Variants in CIT observed in about 807,000 individuals in gnomAD.
CIT encodes the protein citron Rho-interacting kinase.
In CIT, 79 loss-of-function variants were observed where a neutral mutation model predicts 272.7. The observed-to-expected ratio is 0.29, with a 90% CI of 0.24 to 0.35. The LOEUF (loss-of-function observed/expected upper bound fraction) is 0.35, where lower values mean the gene tolerates loss of function less well. Among genes scored for constraint, CIT ranks in the 10% least tolerant of loss-of-function variants. CIT has a pLI of 1.00. For synonymous variants in CIT, 948 were observed against 995.6 expected (o/e 0.95, Z 0.90); for missense variants, 1,909 against 2,618.3 (o/e 0.73, Z 5.91).
At chr12:119,854,831 A>T (rs992216314) in intron 4 of CIT, among the ~76,000 whole-genome samples, 1 of 151,982 alleles carries the variant, frequency 6.6e-6, no homozygotes, top group Non-Finnish European at 1.5e-5. Flanking sequence ...GGTGCCTGTA[A>T]TCCCAGCTAT....
At position 119,710,640 on chromosome 12, in the gene CIT, A is replaced by G; in HGVS notation, c.4855-20T>C. ...CAGTTTCTTTTCATAGGTGAAAGAA[A>G]AGAAAAACAGAAGACATCGTGAGGC... On this transcript the variant is annotated intron_variant, in intron 37 of 47. Transcript: ENST00000392521. The surrounding 1 kb of genome is among the most constrained non-coding windows in gnomAD (Gnocchi z 5.6). 6.2e-7 allele frequency: 1 copy of G among 1,609,754 alleles called. No individual in the cohort carries two copies. The highest frequency in any genetic ancestry group is 8.5e-7 in the Non-Finnish European group (1 of 1,175,962).
At chr12:119,862,978 G>A (rs1286517696) in intron 3 of CIT, among the ~76,000 whole-genome samples, 3 of 149,552 alleles carry the variant, frequency 2.0e-5, no homozygotes, top group Non-Finnish European at 3.0e-5. Context: ...GACGAGGCCG[G>A]CGGATCACAA....
chr12:119,726,357 T>C (rs1174128782), intron 28 of CIT, among the ~76,000 whole-genome samples: 1 of 148,072 alleles, frequency 6.8e-6, no homozygotes, highest in Non-Finnish European at 1.5e-5. Flanking sequence ...TAGCTGGGAC[T>C]AGAACTGCAC....
At chr12:119,815,111 C>A (rs1366265518) in intron 9 of CIT, among the ~76,000 whole-genome samples, 1 of 20,942 alleles carries the variant, frequency 4.8e-5, no homozygotes, top group Non-Finnish European at 1.0e-4. Flanking sequence ...ACACAACACA[C>A]ACACACACAC....
chr12:119,699,778 CAAT>C (rs1273791443), intron 44 of CIT: 1 of 455,916 alleles, frequency 2.2e-6, no homozygotes, highest in Non-Finnish European at 4.4e-6. Flanking sequence ...GAGTTGGGGC[CAAT>C]AATAAGCTGT....
chr12:119,710,711 A>G lies in CIT; in HGVS notation c.4855-91T>C, dbSNP rs1216830462. 4 of 1,220,222 alleles carry G rather than the reference A, an allele frequency of 3.3e-6. No individual in the cohort carries two copies. In the African/African-American group the frequency reaches 4.5e-5, roughly 14 times the overall value. The allele number at this position is 1,220,222 out of a possible 1,614,324, so 75.6% of individuals were successfully genotyped here. ...CATCCAGAGAAACCAAGAGAAGGTTAAGGCCAAGTTATTCCTGGAAATGCT... is the reference window on the plus strand; with the variant it reads ...CATCCAGAGAAACCAAGAGAAGGTTGAGGCCAAGTTATTCCTGGAAATGCT... On this transcript the variant is annotated intron_variant, in intron 37 of 47. Coordinates refer to ENST00000392521, the MANE Select transcript of CIT (RefSeq NM_001206999.2). This position sits in a 1 kb window ranked among gnomAD's most constrained non-coding sequence, Gnocchi z 5.6.
At chr12:119,782,197 C>T (rs1252754857) in intron 13 of CIT, 1 of 186,774 alleles carries the variant, frequency 5.4e-6, no homozygotes, top group Non-Finnish European at 1.1e-5. Context: ...GCTTGTGGGC[C>T]ATAGAAAATA....
Position 119,784,156 on chromosome 12 carries a change from A to G in CIT, c.1402-105T>C. The G allele has an allele frequency of 5.0e-6, 8 of 1,611,310 alleles. No homozygotes were observed. The highest frequency in any genetic ancestry group is 6.8e-6 in the Non-Finnish European group (8 of 1,178,568). ...CCACCTGGTGGTCTGGGCTAAGGCTAATTCGCCAAAAGTTAAGTTGGGATG... is the reference window on the plus strand; with the variant it reads ...CCACCTGGTGGTCTGGGCTAAGGCTGATTCGCCAAAAGTTAAGTTGGGATG... On this transcript the variant is annotated intron_variant, in intron 11 of 47. Coordinates refer to ENST00000392521, the MANE Select transcript of CIT (RefSeq NM_001206999.2). The surrounding 1 kb of genome is among the most constrained non-coding windows in gnomAD (Gnocchi z 4.7).
chr12:119,863,319 C>T (rs2138355405), intron 3 of CIT, among the ~76,000 whole-genome samples: 1 of 150,302 alleles, frequency 6.7e-6, no homozygotes, highest in East Asian at 2.0e-4. Context: ...GATGAGAACA[C>T]AAGGACACTA....
rs775401970 is a variant in CIT at position 119,772,910 on chromosome 12, C to T, written c.1942G>A (p.Ala648Thr). 1.9e-6 allele frequency: 3 copies of T among 1,609,982 alleles called. No individual in the cohort carries two copies. Among genetic ancestry groups the T allele is most frequent in the Non-Finnish European group, 2.5e-6 (3 of 1,178,604 alleles). Residue 648 changes from alanine to threonine, a missense_variant and splice_region_variant, in exon 17 of 48, where the codon GCT becomes ACT. By Grantham distance (58) the Ala-to-Thr change is moderately conservative. This residue lies in a region of CIT where 530 missense variants were observed against 822.4 expected (regional missense o/e 0.64). Coordinates refer to ENST00000392521, the MANE Select transcript of CIT (RefSeq NM_001206999.2). ...GTGGCCTCCGTGCTGGCTTTTACAGCCTAGGAAGAGAGAAGGAAAAGGAGA... is the reference window on the plus strand; with the variant it reads ...GTGGCCTCCGTGCTGGCTTTTACAGTCTAGGAAGAGAGAAGGAAAAGGAGA... ...IQELQEKLEK[A>T]VKASTEATEL...
intron 25 of CIT, 26 bp downstream of exon 25, chr12:119,735,134 C>T: frequency 1.2e-6 from 2 of 1,610,494 alleles, no homozygotes; most frequent in Non-Finnish European, 1.7e-6. Context: ...CTCCAGGGAT[C>T]TCACGACCTT....
At chr12:119,767,018 C>A in intron 19 of CIT, 69 bp downstream of exon 19, 1 of 1,156,996 alleles carries the variant, frequency 8.6e-7, no homozygotes, top group Non-Finnish European at 1.2e-6. Flanking sequence ...GCCACAAGGG[C>A]CCAGGAAGAG....
At chr12:119,742,553 C>T in intron 23 of CIT, 89 bp from the exon 24 acceptor site, 1 of 960,578 alleles carries the variant, frequency 1.0e-6, no homozygotes, top group South Asian at 1.6e-5. Flanking sequence ...TAGCAATTTG[C>T]CTGGAAAGCC....
chr12:119,819,097 G>A (rs1025178836), intron 9 of CIT, among the ~76,000 whole-genome samples: 1 of 152,118 alleles, frequency 6.6e-6, no homozygotes, highest in Non-Finnish European at 1.5e-5. Context: ...GCACAACCAG[G>A]GCAGCTGGTA....
intron 23 of CIT, among the ~76,000 whole-genome samples, chr12:119,748,913 T>C (rs1197982650): frequency 6.6e-6 from 1 of 152,232 alleles, no homozygotes; most frequent in African/African-American, 2.4e-5. Context: ...TCGTGTGCTA[T>C]AAGGTGTGCA....
At chr12:119,849,526 ATT>A (rs896246762) in intron 5 of CIT, among the ~76,000 whole-genome samples, 1 of 152,134 alleles carries the variant, frequency 6.6e-6, no homozygotes, top group Non-Finnish European at 1.5e-5. Context: ...CACTATTATC[ATT>A]TTTTTAATCC....
intron 12 of CIT, 87 bp downstream of exon 12, chr12:119,783,821 G>A: frequency 1.4e-6 from 2 of 1,451,826 alleles, no homozygotes; most frequent in Non-Finnish European, 1.9e-6. Context: ...GCTGTGATGT[G>A]CCTCATGGAG....
intron 46 of CIT, among the ~76,000 whole-genome samples, chr12:119,691,930 TTTGA>T (rs1433396271): frequency 6.6e-6 from 1 of 152,270 alleles, no homozygotes. Flanking sequence ...ACATATTTTG[TTTGA>T]TTGAGGCTTT....
chr12:119,735,055 C>T, intron 25 of CIT, 105 bp downstream of exon 25: 1 of 998,660 alleles, frequency 1.0e-6, no homozygotes, highest in Non-Finnish European at 1.5e-6. Flanking sequence ...AGCCCAATTA[C>T]TGTATGAGGT....
Sources: allele counts gnomAD v4.1 joint callset (sites outside exome capture counted in the v4.1 genomes callset), GRCh38; gene constraint gnomAD v4.1.1; regional missense constraint gnomAD v4.1.1; non-coding constraint Gnocchi (gnomAD v3.1); transcripts MANE v1.5; gene names NCBI Gene and HGNC (gene_info 2026-07-23, HGNC 2026-07-21).